The following CA12 variants were observed in gnomAD, a reference collection of about 807,000 sequenced individuals.
The protein encoded by CA12 is carbonic anhydrase 12, also known as carbonate dehydratase XII.
CA12 carries 36 observed loss-of-function variants against 46.8 expected under a neutral mutation model. That is an observed-to-expected ratio of 0.77 (90% CI 0.59 to 1.02). The LOEUF is 1.02. CA12 is among the 50% of genes least tolerant of loss of function. The pLI is 0.00. For synonymous variants in CA12, 202 were observed against 187.0 expected (o/e 1.08, Z -0.65); for missense variants, 436 against 451.4 (o/e 0.97, Z 0.31).
In CA12 at chr15:63,326,268, C is replaced by T. The variant is rs371148738; in HGVS notation, c.*17G>A. On this transcript the variant is annotated 3_prime_UTR_variant, in exon 11 of 11. Coordinates refer to ENST00000178638, the MANE Select transcript of CA12 (RefSeq NM_001218.5). The stretch of plus-strand genomic sequence containing the variant: ...AAGCAAGGTCCTTCCTGGATGTGCC[C>T]GGGAGCTCCGGGGACCTCAAGCGTG... 1,416 of 1,610,836 alleles carry T rather than the reference C, an allele frequency of 8.8e-4. 3 individuals carry two copies. Among genetic ancestry groups the T allele is most frequent in the Non-Finnish European group, 1.0e-3 (1,218 of 1,177,156 alleles).
intron 1 of CA12, among the ~76,000 whole-genome samples, chr15:63,376,175 C>T (rs2039568142): frequency 6.6e-6 from 1 of 152,176 alleles, no homozygotes; most frequent in Non-Finnish European, 1.5e-5. Flanking sequence ...CTCCAGTCAG[C>T]AGCACAGGCA....
chr15:63,334,242 C>CTTTTTTTTTT lies in CA12; in HGVS notation c.874+4567_874+4576dup, dbSNP rs71131163. ...TTCCAACTGCCACTTGGAAGAGGCACTTTTTTTTTTTTTTTTTTTTTTTTT... is the reference window on the plus strand; with the variant it reads ...TTCCAACTGCCACTTGGAAGAGGCACTTTTTTTTTTTTTTTTTTTTTTTTTTTTTTTTTTT... On this transcript the variant is annotated intron_variant, in intron 8 of 10. Transcript: ENST00000178638. Among the ~76,000 whole-genome samples the CTTTTTTTTTT allele has an allele frequency of 4.3e-4, 28 of 64,964 alleles. 7 individuals are homozygous for CTTTTTTTTTT. The highest frequency in any genetic ancestry group is 1.7e-3 in the African/African-American group (24 of 13,824). The allele number at this position is 64,964 out of a possible 152,430, so 42.6% of individuals were successfully genotyped here. A position where few individuals can be genotyped will look rare whatever the true frequency, so the allele number is the denominator to read the frequency against.
At chr15:63,377,124 G>A (rs2039587791) in intron 1 of CA12, among the ~76,000 whole-genome samples, 1 of 152,164 alleles carries the variant, frequency 6.6e-6, no homozygotes, top group Non-Finnish European at 1.5e-5. Flanking sequence ...TTTTTCACAA[G>A]TGCAGAGCTG....
In CA12 at chr15:63,372,874, C is replaced by T. The variant is rs1221401278; in HGVS notation, c.106+2784G>A. On this transcript the variant is annotated intron_variant, in intron 2 of 10. Transcript: ENST00000178638. The surrounding 1 kb of genome is among the most constrained non-coding windows in gnomAD (Gnocchi z 4.5). ...AAAACCAGACTTGCCTTTGTGCTTA[C>T]CCCATGCATGTCCATGCATCATTAG... Among the ~76,000 whole-genome samples the T allele has an allele frequency of 6.6e-6, 1 of 152,212 alleles. No homozygotes were observed. The highest frequency in any genetic ancestry group is 1.5e-5 in the Non-Finnish European group (1 of 68,036).
chr15:63,340,250 G>A lies in CA12; in HGVS notation c.747+38C>T. 6.2e-7 allele frequency: 1 copy of A among 1,612,172 alleles called. No individual in the cohort carries two copies. The highest frequency in any genetic ancestry group is 1.3e-5 in the African/African-American group (1 of 75,002). Reference sequence around the variant, plus strand: ...TATGGAGGATGATGGGGACTGAGGTGCCGCGTGGACTCTGGCTGAGTCTGG... The same window carrying A: ...TATGGAGGATGATGGGGACTGAGGTACCGCGTGGACTCTGGCTGAGTCTGG... On this transcript the variant is annotated intron_variant, in intron 7 of 10. Transcript: ENST00000178638. The surrounding 1 kb of genome is among the most constrained non-coding windows in gnomAD (Gnocchi z 4.4).
chr15:63,344,102 T>C (rs566479959), intron 4 of CA12, among the ~76,000 whole-genome samples: 5 of 152,326 alleles, frequency 3.3e-5, no homozygotes, highest in Admixed American at 6.5e-5. Context: ...GCATTTCTAA[T>C]TGCTTCCTCT....
At chr15:63,368,787 C>A (rs1286773490) in intron 2 of CA12, among the ~76,000 whole-genome samples, 4 of 152,230 alleles carry the variant, frequency 2.6e-5, no homozygotes, top group African/African-American at 9.6e-5. Flanking sequence ...GCTGCACCTG[C>A]GGTTCCAAGG....
At chr15:63,370,601 C>A (rs955394242) in intron 2 of CA12, among the ~76,000 whole-genome samples, 11 of 151,748 alleles carry the variant, frequency 7.2e-5, no homozygotes, top group African/African-American at 2.4e-4. Flanking sequence ...GGTGAAACCC[C>A]GTCTCTATTA....
Position 63,360,663 on chromosome 15 carries a change from A to G in CA12, c.107-13954T>C, listed in dbSNP as rs34588257. Among the ~76,000 whole-genome samples, 877 of 152,222 alleles carry G rather than the reference A, an allele frequency of 5.8e-3. 10 individuals carry two copies. The highest frequency in any genetic ancestry group is 0.02 in the African/African-American group (846 of 41,538). ...CCTAAAACACTCACCACCCATGCACATAAATACTCACATATTCTCCTTGCC... is the reference window on the plus strand; with the variant it reads ...CCTAAAACACTCACCACCCATGCACGTAAATACTCACATATTCTCCTTGCC... On this transcript the variant is annotated intron_variant, in intron 2 of 10. Coordinates refer to ENST00000178638, the MANE Select transcript of CA12 (RefSeq NM_001218.5).
In CA12 at chr15:63,326,236, G is replaced by C. The variant is rs777055398; in HGVS notation, c.*49C>G. ...AGTGTCCAGAGAGCCGAAGTGTGTA[G>C]GGTCCAAAGCAAGGTCCTTCCTGGA... On this transcript the variant is annotated 3_prime_UTR_variant, in exon 11 of 11. Coordinates refer to ENST00000178638, the MANE Select transcript of CA12 (RefSeq NM_001218.5). 2.1e-6 allele frequency: 3 copies of C among 1,406,440 alleles called. No individual in the cohort carries two copies. Among genetic ancestry groups the C allele is most frequent in the Admixed American group, 3.3e-5 (2 of 59,740 alleles). The allele number at this position is 1,406,440 out of a possible 1,614,324, so 87.1% of individuals were successfully genotyped here. A position where few individuals can be genotyped will look rare whatever the true frequency, so the allele number is the denominator to read the frequency against.
intron 8 of CA12, among the ~76,000 whole-genome samples, chr15:63,337,408 C>G (rs977684829): frequency 6.6e-6 from 1 of 152,216 alleles, no homozygotes; most frequent in South Asian, 2.1e-4. Flanking sequence ...CCAGGTGAGA[C>G]GAGGAGAGCA....
At chr15:63,368,498 C>T (rs1168583882) in intron 2 of CA12, among the ~76,000 whole-genome samples, 7 of 152,240 alleles carry the variant, frequency 4.6e-5, no homozygotes, top group African/African-American at 1.4e-4. Context: ...CCCTCCTGCC[C>T]GCAGCCACCT....
chr15:63,346,576 A>G lies in CA12; in HGVS notation c.240T>C (p.Asn80=), dbSNP rs746314842. The G allele has an allele frequency of 3.8e-6, 6 of 1,598,982 alleles. No individual in the cohort carries two copies. Among genetic ancestry groups the G allele is most frequent in the African/African-American group, 1.3e-5 (1 of 74,200 alleles). The change falls in exon 3 of 11, where the codon AAT becomes AAC. Residue 80 remains asparagine (N), a synonymous_variant. Transcript: ENST00000178638. ...SLTPLEFQGY[N]LSANKQFLLT... ...GGAGAAACTGCTTGTTGGCAGACAG[A>G]TTGTAGCCTTGGAACTCGAGGGGCG...
At chr15:63,337,276 G>T (rs561094200) in intron 8 of CA12, among the ~76,000 whole-genome samples, 1 of 152,312 alleles carries the variant, frequency 6.6e-6, no homozygotes, top group East Asian at 1.9e-4. Context: ...TGACCGTAAG[G>T]ATGGGTCAGT....
At position 63,322,074 on chromosome 15, in the gene CA12, C is replaced by G. The variant is rs780184997; in HGVS notation, c.*4211G>C. 6.6e-5 allele frequency: 10 copies of G among 152,226 alleles called. No individual in the cohort carries two copies. Among genetic ancestry groups the G allele is most frequent in the Non-Finnish European group, 1.3e-4 (9 of 68,048 alleles). 9.4% of individuals were successfully genotyped at this position (152,226 alleles called of 1,614,324 possible). A position where few individuals can be genotyped will look rare whatever the true frequency, so the allele number is the denominator to read the frequency against. Reference sequence around the variant, plus strand: ...CTTGAGCGCTTGGAATGTGACTTAACTGAGAAACGCTACTTTATTTTAATA... The same window carrying G: ...CTTGAGCGCTTGGAATGTGACTTAAGTGAGAAACGCTACTTTATTTTAATA... On this transcript the variant is annotated 3_prime_UTR_variant, in exon 11 of 11. Transcript: ENST00000178638. This position sits in a 1 kb window ranked among gnomAD's most constrained non-coding sequence, Gnocchi z 4.1.
chr15:63,345,576 C>A lies in CA12; in HGVS notation c.330G>T (p.Gln110His). 2 of 1,613,494 alleles carry A rather than the reference C, an allele frequency of 1.2e-6. No homozygotes were observed. The highest frequency in any genetic ancestry group is 1.7e-6 in the Non-Finnish European group (2 of 1,180,018). ...LPSDMHIQGL[Q>H]SRYSATQLHL... ...GCAGCTGCGTGGCACTGTAGCGAGA[C>A]TGGAGGCCCTGGATGTGCATGTCCG... is the stretch of plus-strand genomic sequence containing the variant. Residue 110 changes from glutamine to histidine, a missense_variant, in exon 4 of 11, where the codon CAG becomes CAT. Coordinates refer to ENST00000178638, the MANE Select transcript of CA12 (RefSeq NM_001218.5). The surrounding 1 kb of genome is among the most constrained non-coding windows in gnomAD (Gnocchi z 4.3).
rs1484323171 is a variant in CA12 at position 63,334,854 on chromosome 15, G to T, written c.874+3965C>A. Reference sequence around the variant, plus strand: ...AAGAATCTATACTTGAATTCTAAAGGAAGATGGGGAACAAGGTCTCTCTTG... The same window carrying T: ...AAGAATCTATACTTGAATTCTAAAGTAAGATGGGGAACAAGGTCTCTCTTG... On this transcript the variant is annotated intron_variant, in intron 8 of 10. Coordinates refer to ENST00000178638, the MANE Select transcript of CA12 (RefSeq NM_001218.5). Among the ~76,000 whole-genome samples the T allele has an allele frequency of 3.3e-5, 5 of 152,146 alleles. No homozygotes were observed. In the East Asian group the frequency reaches 9.6e-4, roughly 29 times the overall value.
intron 2 of CA12, among the ~76,000 whole-genome samples, chr15:63,353,511 T>C (rs1434308442): frequency 6.6e-6 from 1 of 152,190 alleles, no homozygotes; most frequent in Non-Finnish European, 1.5e-5. Flanking sequence ...CCTGCTTGTG[T>C]ACATTCCTCC....
At chr15:63,353,296 G>A (rs1410724164) in intron 2 of CA12, among the ~76,000 whole-genome samples, 5 of 152,180 alleles carry the variant, frequency 3.3e-5, no homozygotes, top group Non-Finnish European at 7.3e-5. Flanking sequence ...TAAAGGACAA[G>A]TAGAACCAAC....
Sources: allele counts gnomAD v4.1 joint callset (sites outside exome capture counted in the v4.1 genomes callset), GRCh38; gene constraint gnomAD v4.1.1; non-coding constraint Gnocchi (gnomAD v3.1); transcripts MANE v1.5; gene names NCBI Gene and HGNC (gene_info 2026-07-23, HGNC 2026-07-21).